CAPN7: variants seen among roughly 807,000 people sequenced by gnomAD.
The protein encoded by CAPN7 is calpain 7.
In CAPN7, 72 loss-of-function variants were observed where a neutral mutation model predicts 115.2. The ratio of observed to expected loss-of-function variants is 0.63; its 90% CI spans 0.52 to 0.76. The LOEUF (loss-of-function observed/expected upper bound fraction) is 0.76. Ranked by LOEUF, CAPN7 falls within the 30% of genes least tolerant of loss-of-function variation. The probability of loss-of-function intolerance (pLI) is 0.00; values close to 1 mark genes in which losing one functional copy is unlikely to be tolerated. For synonymous variants in CAPN7, 344 were observed against 322.3 expected (o/e 1.07, Z -0.72); for missense variants, 905 against 971.5 (o/e 0.93, Z 0.91).
intron 2 of CAPN7, among the ~76,000 whole-genome samples, chr3:15,212,752 T>C (rs956026414): frequency 3.9e-5 from 6 of 152,198 alleles, no homozygotes; most frequent in African/African-American, 1.4e-4. Context: ...AATAGAAATA[T>C]ATAGTCTTAA....
chr3:15,242,329 C>A, intron 16 of CAPN7, 76 bp downstream of exon 16: 3 of 926,918 alleles, frequency 3.2e-6, no homozygotes, highest in East Asian at 2.7e-5. Flanking sequence ...TGAAAAATGA[C>A]ACATTTTATG....
chr3:15,242,712 G>A (rs1695421635), intron 16 of CAPN7, among the ~76,000 whole-genome samples: 1 of 152,032 alleles, frequency 6.6e-6, no homozygotes, highest in Non-Finnish European at 1.5e-5. Context: ...CTTTCACATG[G>A]TTTCTTCTCT....
At chr3:15,228,203 A>G (rs1356945564) in intron 7 of CAPN7, among the ~76,000 whole-genome samples, 1 of 152,206 alleles carries the variant, frequency 6.6e-6, no homozygotes, top group East Asian at 1.9e-4. Flanking sequence ...GTACCTGTAA[A>G]TGTAAAACTT....
chr3:15,240,746 AT>A lies in CAPN7; in HGVS notation c.1553-4del, dbSNP rs1475332947. The stretch of plus-strand genomic sequence containing the variant: ...TTTTTTTAGATTAACAAAGATATTA[AT>A]TTTCAGGAATATTTTGGATTTCCTG... On this transcript the variant is annotated splice_polypyrimidine_tract_variant and splice_region_variant and intron_variant, in intron 13 of 20. Coordinates refer to ENST00000253693, the MANE Select transcript of CAPN7 (RefSeq NM_014296.3). The A allele has an allele frequency of 6.3e-7, 1 of 1,595,908 alleles. No homozygotes were observed. The highest frequency in any genetic ancestry group is 8.6e-7 in the Non-Finnish European group (1 of 1,167,570).
chr3:15,235,217 C>G, intron 12 of CAPN7, 72 bp downstream of exon 12: 1 of 1,369,416 alleles, frequency 7.3e-7, no homozygotes, highest in Non-Finnish European at 1.0e-6. Context: ...GATAATTTAT[C>G]AGACTTCTGA....
chr3:15,245,942 C>A (rs1466341659), intron 17 of CAPN7: 1 of 242,648 alleles, frequency 4.1e-6, no homozygotes, highest in Non-Finnish European at 7.9e-6. Context: ...TAATACATTT[C>A]TTTTTTTCTT....
chr3:15,247,388 A>G lies in CAPN7; in HGVS notation c.2135A>G (p.Lys712Arg), dbSNP rs1161051238. The change falls in exon 19 of 21, where the codon AAA becomes AGA. Residue 712 changes from lysine to arginine, a missense_variant. Transcript: ENST00000253693. ...GGCGNFQETH[K>R]NNPIYQFHIE... Reference sequence around the variant, plus strand: ...TGTGGAAATTTCCAAGAGACTCACAAAAATAACCCCATCTACCAATTCCAT... The same window carrying G: ...TGTGGAAATTTCCAAGAGACTCACAGAAATAACCCCATCTACCAATTCCAT... The G allele has an allele frequency of 1.2e-6, 2 of 1,611,774 alleles. No homozygotes were observed. The highest frequency in any genetic ancestry group is 8.5e-7 in the Non-Finnish European group (1 of 1,178,694).
intron 2 of CAPN7, among the ~76,000 whole-genome samples, chr3:15,215,222 T>G (rs1575163687): frequency 6.6e-6 from 1 of 152,036 alleles, no homozygotes; most frequent in Admixed American, 6.6e-5. Flanking sequence ...CCCAGTAGTT[T>G]AAGAGTTTAA....
Position 15,233,956 on chromosome 3 carries a change from C to T in CAPN7, c.1269C>T (p.Phe423=). The T allele has an allele frequency of 6.4e-7, 1 of 1,563,674 alleles. No homozygotes were observed. Among genetic ancestry groups the T allele is most frequent in the South Asian group, 1.1e-5 (1 of 88,550 alleles). Residue 423 remains phenylalanine (F), a synonymous_variant, in exon 11 of 21, where the codon TTC becomes TTT. Coordinates refer to ENST00000253693, the MANE Select transcript of CAPN7 (RefSeq NM_014296.3). The part of the protein sequence containing the change: ...DSQTFSKDNS[F]RMLYQRFHKG... ...AAACTTTCAGTAAGGATAATTCTTTCAGAATGCTTTATCAAAGGTAAACAT... is the reference window on the plus strand; with the variant it reads ...AAACTTTCAGTAAGGATAATTCTTTTAGAATGCTTTATCAAAGGTAAACAT...
rs986747027 is a variant in CAPN7, at chr3:15,206,489, C to G, written c.-7C>G. 13 of 1,543,184 alleles carry G rather than the reference C, an allele frequency of 8.4e-6. No homozygotes were observed. The Admixed American group carries it at 2.2e-4, about 26-fold the overall frequency. The stretch of plus-strand genomic sequence containing the variant: ...CCTTCCCTGCCCCGGCGCGGGGCCA[C>G]TGCGCCATGGACGCCACAGCACTGG... On this transcript the variant is annotated 5_prime_UTR_variant, in exon 1 of 21. Transcript: ENST00000253693.
At chr3:15,245,813 G>A in intron 17 of CAPN7, 142 bp downstream of exon 17, 1 of 563,494 alleles carries the variant, frequency 1.8e-6, no homozygotes, top group Non-Finnish European at 2.9e-6. Flanking sequence ...CATTTTAATA[G>A]TAAATTATAC....
intron 19 of CAPN7, among the ~76,000 whole-genome samples, chr3:15,248,950 G>A (rs1205309347): frequency 7.4e-6 from 1 of 135,326 alleles, no homozygotes; most frequent in Non-Finnish European, 1.5e-5. Flanking sequence ...GATCCCAGAT[G>A]ATGCCACTGC....
chr3:15,244,619 C>T (rs1025475756), intron 16 of CAPN7, among the ~76,000 whole-genome samples: 8 of 152,184 alleles, frequency 5.3e-5, no homozygotes, highest in Non-Finnish European at 7.3e-5. Context: ...TATAAATATT[C>T]AGCGTTCCTA....
chr3:15,250,237 TATG>T (rs1021514260), intron 19 of CAPN7, among the ~76,000 whole-genome samples: 2 of 151,386 alleles, frequency 1.3e-5, no homozygotes, highest in African/African-American at 4.9e-5. Context: ...ATTAGACAGA[TATG>T]GTGGTACATA....
At chr3:15,224,814 T>G (rs1167510370) in intron 6 of CAPN7, among the ~76,000 whole-genome samples, 1 of 152,216 alleles carries the variant, frequency 6.6e-6, no homozygotes, top group East Asian at 1.9e-4. Flanking sequence ...GGGCTGCTTT[T>G]TATTTTCTAG....
At chr3:15,213,174 A>G (rs1411556666) in intron 2 of CAPN7, among the ~76,000 whole-genome samples, 6 of 152,268 alleles carry the variant, frequency 3.9e-5, no homozygotes, top group Non-Finnish European at 8.8e-5. Flanking sequence ...CAAGTAAATG[A>G]AGTTCTTAAA....
chr3:15,212,872 G>A lies in CAPN7; in HGVS notation c.211+660G>A, dbSNP rs4524261. On this transcript the variant is annotated intron_variant, in intron 2 of 20. Coordinates refer to ENST00000253693, the MANE Select transcript of CAPN7 (RefSeq NM_014296.3). Reference sequence around the variant, plus strand: ...TTTTTCTGTTGCTGCATGATAAAGCGCCAAGCAGAAGAATATTTATTCTCA... The same window carrying A: ...TTTTTCTGTTGCTGCATGATAAAGCACCAAGCAGAAGAATATTTATTCTCA... 9.2e-5 allele frequency among the ~76,000 whole-genome samples: 14 copies of A among 151,958 alleles called. No individual in the cohort carries two copies. In the South Asian group the frequency reaches 1.0e-3, roughly 11 times the overall value.
intron 12 of CAPN7, among the ~76,000 whole-genome samples, chr3:15,235,812 C>G (rs901390914): frequency 6.6e-6 from 1 of 152,058 alleles, no homozygotes; most frequent in African/African-American, 2.4e-5. Context: ...GTCTGTGGCC[C>G]GGGGGTTGGG....
chr3:15,210,959 A>G (rs2044905473), intron 1 of CAPN7: 2 of 1,148,096 alleles, frequency 1.7e-6, no homozygotes, highest in South Asian at 1.7e-5. Flanking sequence ...TTGCTTTTCT[A>G]GGTGGTAGCA....
Sources: allele counts gnomAD v4.1 joint callset (sites outside exome capture counted in the v4.1 genomes callset), GRCh38; gene constraint gnomAD v4.1.1; transcripts MANE v1.5; gene names NCBI Gene and HGNC (gene_info 2026-07-23, HGNC 2026-07-21).